The following ITPRID2 variants were observed in gnomAD, a reference collection of about 807,000 sequenced individuals.
The protein encoded by ITPRID2 is ITPR interacting domain containing 2.
ITPRID2 carries 60 observed loss-of-function variants against 124.3 expected under a neutral mutation model. That is an observed-to-expected ratio of 0.48 (90% CI 0.39 to 0.60). The LOEUF (loss-of-function observed/expected upper bound fraction) is 0.60. Among genes scored for constraint, ITPRID2 ranks in the 20% least tolerant of loss-of-function variants. The pLI is 0.00. For synonymous variants in ITPRID2, 521 were observed against 542.9 expected (o/e 0.96, Z 0.56); for missense variants, 1,553 against 1,512.2 (o/e 1.03, Z -0.45).
rs1338200470 is a variant in ITPRID2, at chr2:181,919,221, AGTT to A, written c.2994-70_2994-68del. 1 of 1,520,840 alleles carries A rather than the reference AGTT, an allele frequency of 6.6e-7. No homozygotes were observed. Among genetic ancestry groups the A allele is most frequent in the Non-Finnish European group, 9.0e-7 (1 of 1,107,562 alleles). 94.2% of individuals were successfully genotyped at this position (1,520,840 alleles called of 1,614,324 possible). A position where few individuals can be genotyped will look rare whatever the true frequency, so the allele number is the denominator to read the frequency against. ...TCCATGCCTTCTGTTAGCATATAGT[AGTT>A]GTTGAAAGATTTGTGATTAGGAATC... On this transcript the variant is annotated intron_variant, in intron 13 of 17. Transcript: ENST00000431877. This position sits in a 1 kb window ranked among gnomAD's most constrained non-coding sequence, Gnocchi z 4.2.
rs377275300 is a variant in ITPRID2 at position 181,919,450 on chromosome 2, C to T, written c.3144+4C>T. The T allele has an allele frequency of 2.5e-5, 39 of 1,561,584 alleles. 1 individual carries two copies. The highest frequency in any genetic ancestry group is 2.1e-4 in the African/African-American group (15 of 72,780). ...CTTCCGCTCCTCCGCACTCATGGTA[C>T]GCTACCTGGAGGGTGGTCGGAGTTT... On this transcript the variant is annotated splice_donor_region_variant and intron_variant, in intron 14 of 17. Transcript: ENST00000431877. The surrounding 1 kb of genome is among the most constrained non-coding windows in gnomAD (Gnocchi z 4.2).
At position 181,892,588 on chromosome 2, in the gene ITPRID2, C is replaced by A; in HGVS notation, c.212-27C>A. The stretch of plus-strand genomic sequence containing the variant: ...CCGTCGTAGTGCTCCTGGGTGGTAA[C>A]GTGCTGTCCCCTCTCTCTACCCCCA... On this transcript the variant is annotated intron_variant, in intron 1 of 17. Transcript: ENST00000431877. The surrounding 1 kb of genome is among the most constrained non-coding windows in gnomAD (Gnocchi z 5.2). 6.2e-7 allele frequency: 1 copy of A among 1,614,034 alleles called. No homozygotes were observed. The highest frequency in any genetic ancestry group is 8.5e-7 in the Non-Finnish European group (1 of 1,179,924).
intron 11 of ITPRID2, chr2:181,917,057 G>A: frequency 1.0e-6 from 1 of 966,234 alleles, no homozygotes; most frequent in Non-Finnish European, 1.2e-6. Flanking sequence ...CACTTTTAAA[G>A]TCATTCTCAG....
At chr2:181,898,640 G>T (rs1208394167) in intron 4 of ITPRID2, among the ~76,000 whole-genome samples, 1 of 151,952 alleles carries the variant, frequency 6.6e-6, no homozygotes, top group Non-Finnish European at 1.5e-5. Flanking sequence ...AAGCACTCAA[G>T]TGAGAGTAGT....
chr2:181,922,823 G>A (rs1372315614), intron 16 of ITPRID2, among the ~76,000 whole-genome samples: 2 of 152,140 alleles, frequency 1.3e-5, no homozygotes, highest in Admixed American at 6.5e-5. Context: ...TCGGGAGGCT[G>A]GGGTAGGAGA....
At chr2:181,897,290 T>C (rs1692278378) in intron 4 of ITPRID2, among the ~76,000 whole-genome samples, 1 of 152,006 alleles carries the variant, frequency 6.6e-6, no homozygotes, top group Non-Finnish European at 1.5e-5. Flanking sequence ...TATTTATACA[T>C]GGGAAAACAA....
chr2:181,928,299 T>A, intron 17 of ITPRID2, 21 bp downstream of exon 17: 1 of 1,399,002 alleles, frequency 7.1e-7, no homozygotes, highest in Non-Finnish European at 9.8e-7. Context: ...CTGAGTTTCT[T>A]TGTTGAGCTA....
chr2:181,899,169 A>G, intron 6 of ITPRID2, 57 bp downstream of exon 6: 4 of 1,241,766 alleles, frequency 3.2e-6, no homozygotes, highest in Non-Finnish European at 4.5e-6. Context: ...ACCTACTCTT[A>G]TCATTTTTTC....
At chr2:181,900,979 C>A (rs972420764) in intron 7 of ITPRID2, 75 bp downstream of exon 7, 1 of 1,201,214 alleles carries the variant, frequency 8.3e-7, no homozygotes, top group Non-Finnish European at 1.1e-6. Flanking sequence ...TATTTTAAAG[C>A]CTTAATTTTC....
chr2:181,896,552 C>T lies in ITPRID2; in HGVS notation c.308-356C>T, dbSNP rs1037403028. Reference sequence around the variant, plus strand: ...AAACATTTACAGTGTCAGGAAAATCCAGCTCCTGACTTAATATGAGATGGA... The same window carrying T: ...AAACATTTACAGTGTCAGGAAAATCTAGCTCCTGACTTAATATGAGATGGA... On this transcript the variant is annotated intron_variant, in intron 3 of 17. Coordinates refer to ENST00000431877, the MANE Select transcript of ITPRID2 (RefSeq NM_001130445.3). The surrounding 1 kb of genome is among the most constrained non-coding windows in gnomAD (Gnocchi z 4.3). 4.6e-5 allele frequency among the ~76,000 whole-genome samples: 7 copies of T among 152,032 alleles called. No individual in the cohort carries two copies. Among genetic ancestry groups the T allele is most frequent in the Non-Finnish European group, 4.4e-5 (3 of 67,824 alleles).
rs1340771499 is a variant in ITPRID2 at position 181,915,197 on chromosome 2, A to G, written c.1576-19A>G. The stretch of plus-strand genomic sequence containing the variant: ...TCTTACATATATTCTTCATCTTTCC[A>G]CCTATTTTCTTTTCACAGGTTCAGG... On this transcript the variant is annotated intron_variant, in intron 10 of 17. Transcript: ENST00000431877. The G allele has an allele frequency of 6.2e-7, 1 of 1,600,978 alleles. No homozygotes were observed. Among genetic ancestry groups the G allele is most frequent in the Non-Finnish European group, 8.5e-7 (1 of 1,174,102 alleles).
In ITPRID2 at chr2:181,902,332, A is replaced by C; in HGVS notation, c.1279A>C (p.Ser427Arg). 1 of 1,613,898 alleles carries C rather than the reference A, an allele frequency of 6.2e-7. No individual in the cohort carries two copies. The highest frequency in any genetic ancestry group is 8.5e-7 in the Non-Finnish European group (1 of 1,179,808). Residue 427 changes from serine to arginine, a missense_variant, in exon 8 of 18, where the codon AGT becomes CGT. By Grantham distance (110) the Ser-to-Arg change is moderately radical. Coordinates refer to ENST00000431877, the MANE Select transcript of ITPRID2 (RefSeq NM_001130445.3). This position sits in a 1 kb window ranked among gnomAD's most constrained non-coding sequence, Gnocchi z 4.4. Reference protein sequence around the residue: ...LDSDFNISSHSELENSSELKS... With the variant: ...LDSDFNISSHRELENSSELKS... ...TAGTGATTTCAACATATCCAGCCACAGTGAGCTGGAAAATAGCAGTGAGCT... is the reference window on the plus strand; with the variant it reads ...TAGTGATTTCAACATATCCAGCCACCGTGAGCTGGAAAATAGCAGTGAGCT...
chr2:181,896,967 A>T lies in ITPRID2; in HGVS notation c.364+3A>T, dbSNP rs1692252455. 2 of 1,611,216 alleles carry T rather than the reference A, an allele frequency of 1.2e-6. No individual in the cohort carries two copies. The stretch of plus-strand genomic sequence containing the variant: ...TGATTTGTCATTGGGAGCTGAAGGT[A>T]TGTTTGTTTGGAAGAACTGTATTTT... On this transcript the variant is annotated splice_donor_region_variant and intron_variant, in intron 4 of 17. Coordinates refer to ENST00000431877, the MANE Select transcript of ITPRID2 (RefSeq NM_001130445.3). This position sits in a 1 kb window ranked among gnomAD's most constrained non-coding sequence, Gnocchi z 4.3.
In ITPRID2 at chr2:181,907,446, GTT is replaced by G. The variant is rs10716968; in HGVS notation, c.1414-2439_1414-2438del. ...GCAATTTTATCACTTTGGTTTAGTG[GTT>G]TTTTTTTTTTTTTATATTATGAAAC... On this transcript the variant is annotated intron_variant, in intron 8 of 17. Transcript: ENST00000431877. This position sits in a 1 kb window ranked among gnomAD's most constrained non-coding sequence, Gnocchi z 5.1. Among the ~76,000 whole-genome samples, 3,069 of 144,540 alleles carry G rather than the reference GTT, an allele frequency of 0.021. 86 individuals carry two copies. The highest frequency in any genetic ancestry group is 0.067 in the African/African-American group (2,633 of 39,590). The allele number at this position is 144,540 out of a possible 152,430, so 94.8% of individuals were successfully genotyped here. A position where few individuals can be genotyped will look rare whatever the true frequency, so the allele number is the denominator to read the frequency against.
At chr2:181,909,447 G>A (rs1225562984) in intron 8 of ITPRID2, among the ~76,000 whole-genome samples, 2 of 152,102 alleles carry the variant, frequency 1.3e-5, no homozygotes, top group Admixed American at 1.3e-4. Flanking sequence ...CTACTTTGAA[G>A]TTTAACGTAT....
At chr2:181,916,617 C>T (rs1008925025) in intron 11 of ITPRID2, 190 bp downstream of exon 11, 1 of 839,846 alleles carries the variant, frequency 1.2e-6, no homozygotes, top group Non-Finnish European at 1.8e-6. Flanking sequence ...CTGTAACTAA[C>T]CCTGATCAAA....
chr2:181,900,902 CAAGT>C lies in ITPRID2; in HGVS notation c.712+2_712+5del, dbSNP rs763539805. ...GTAGAAAACCCAAATTATGCTTTAACAAGTAAGATTTTTAAGTGTTAGGCATATT... is the reference window on the plus strand; with the variant it reads ...GTAGAAAACCCAAATTATGCTTTAACAAGATTTTTAAGTGTTAGGCATATT... On this transcript the variant is annotated splice_donor_variant and coding_sequence_variant, in exon 7 of 18. Transcript: ENST00000431877. LOFTEE classifies it high-confidence loss of function. 6.2e-7 allele frequency: 1 copy of C among 1,603,644 alleles called. No homozygotes were observed. Among genetic ancestry groups the C allele is most frequent in the Non-Finnish European group, 8.5e-7 (1 of 1,176,192 alleles).
At chr2:181,895,135 A>G (rs540152571) in intron 2 of ITPRID2, among the ~76,000 whole-genome samples, 54 of 152,140 alleles carry the variant, frequency 3.5e-4, no homozygotes, top group African/African-American at 1.2e-3. Flanking sequence ...CATTTCAGTA[A>G]CATTTCCTTG....
rs146800768 is a variant in ITPRID2 at position 181,902,052 on chromosome 2, A to G, written c.999A>G (p.Glu333=). The stretch of plus-strand genomic sequence containing the variant: ...AGATTCTAAATGTTTCAGTGATTGA[A>G]GAAAGTGGCAATAAAAACGATCAAA... ...KGKILNVSVI[E]ESGNKNDQKS... Residue 333 remains glutamate, a synonymous_variant, in exon 8 of 18, where the codon GAA becomes GAG. Transcript: ENST00000431877. This position sits in a 1 kb window ranked among gnomAD's most constrained non-coding sequence, Gnocchi z 4.4. 9.9e-4 allele frequency: 1,590 copies of G among 1,612,396 alleles called. 16 individuals carry two copies. The African/African-American group carries it at 0.019, about 19-fold the overall frequency.
Sources: gnomAD v4.1 joint callset for allele counts (sites outside exome capture counted in the v4.1 genomes callset) on GRCh38, gnomAD v4.1.1 for gene constraint, Gnocchi (gnomAD v3.1) non-coding constraint, MANE v1.5 for transcripts, NCBI Gene and HGNC (gene_info 2026-07-23, HGNC 2026-07-21) for gene names.